HSP90AA1: variants seen among roughly 807,000 people sequenced by gnomAD.
HSP90AA1 encodes the protein heat shock protein HSP 90-alpha.
A neutral mutation model predicts 73.3 loss-of-function variants in HSP90AA1; 18 were observed. The observed-to-expected ratio is 0.25, with a 90% CI of 0.17 to 0.36. The LOEUF (loss-of-function observed/expected upper bound fraction) is 0.36, where lower values mean the gene tolerates loss of function less well. Among genes scored for constraint, HSP90AA1 ranks in the 10% least tolerant of loss-of-function variants. The probability of loss-of-function intolerance (pLI) is 1.00; values close to 1 mark genes in which losing one functional copy is unlikely to be tolerated. For missense variants in HSP90AA1, 704 were observed against 874.2 expected, an observed-to-expected ratio of 0.81 and a Z score of 2.45; for synonymous variants, 477 against 296.9, an observed-to-expected ratio of 1.61 and a Z score of -6.24.
At chr14:102,087,424 C>T (rs1350866088), upstream of HSP90AA1, among the ~76,000 whole-genome samples, 3 of 151,656 alleles carry the variant, frequency 2.0e-5, no homozygotes, top group African/African-American at 7.3e-5. Flanking sequence ...GGCGTGGGGG[C>T]CTTTGAAGTG....
intron 1 of HSP90AA1, among the ~76,000 whole-genome samples, chr14:102,125,970 T>A (rs1013239554): frequency 1.3e-5 from 2 of 152,134 alleles, no homozygotes; most frequent in African/African-American, 4.8e-5. Context: ...AGAAAACATA[T>A]AAATATGTGT....
intron 9 of HSP90AA1, 60 bp from the exon 10 acceptor site, chr14:102,082,504 G>A: frequency 7.3e-7 from 1 of 1,376,908 alleles, no homozygotes; most frequent in Non-Finnish European, 1.0e-6. Context: ...CTTTCATTGT[G>A]AAATGAAATC....
chr14:102,094,716 C>T (rs1031165297), intron 2 of HSP90AA1, among the ~76,000 whole-genome samples: 1 of 152,180 alleles, frequency 6.6e-6, no homozygotes, highest in Non-Finnish European at 1.5e-5. Context: ...CCTCTTGGGG[C>T]AGGGGTTGGC....
intron 1 of HSP90AA1, among the ~76,000 whole-genome samples, chr14:102,114,544 A>C (rs759707136): frequency 1.2e-4 from 18 of 152,126 alleles, no homozygotes; most frequent in Non-Finnish European, 2.5e-4. Flanking sequence ...AGTCTTCTAA[A>C]ATTTCTGCAT....
chr14:102,138,906 C>T (rs1566743620), intron 1 of HSP90AA1, among the ~76,000 whole-genome samples: 1 of 152,174 alleles, frequency 6.6e-6, no homozygotes, highest in South Asian at 2.1e-4. Flanking sequence ...ATACAACTAT[C>T]CCTATGGATC....
At chr14:102,109,104 GCTCC>G (rs2049607032) in intron 1 of HSP90AA1, among the ~76,000 whole-genome samples, 1 of 152,050 alleles carries the variant, frequency 6.6e-6, no homozygotes, top group Non-Finnish European at 1.5e-5. Flanking sequence ...CACCCCAGAG[GCTCC>G]CTATGTTTCT....
intron 1 of HSP90AA1, among the ~76,000 whole-genome samples, chr14:102,134,129 C>A (rs1422194465): frequency 7.0e-6 from 1 of 143,108 alleles, no homozygotes; most frequent in Non-Finnish European, 1.5e-5. Context: ...CCAGCCTGGG[C>A]AACAGAGTGA....
chr14:102,083,403 G>C, intron 8 of HSP90AA1, 101 bp from the exon 9 acceptor site: 1 of 1,432,116 alleles, frequency 7.0e-7, no homozygotes, highest in Admixed American at 1.7e-5. Context: ...CAGAACCTAA[G>C]ACAGAAAATG....
At chr14:102,098,923 C>G (rs1359284121) in intron 2 of HSP90AA1, among the ~76,000 whole-genome samples, 2 of 152,184 alleles carry the variant, frequency 1.3e-5, no homozygotes, top group Admixed American at 1.3e-4. Flanking sequence ...AACTCTTTCA[C>G]TAGAGGACAG....
intron 1 of HSP90AA1, among the ~76,000 whole-genome samples, chr14:102,138,356 T>C (rs1566742126): frequency 1.3e-5 from 2 of 152,152 alleles, no homozygotes; most frequent in African/African-American, 2.4e-5. Flanking sequence ...AATAACACAG[T>C]TATGGAGTTT....
intron 2 of HSP90AA1, among the ~76,000 whole-genome samples, chr14:102,092,836 T>G (rs1352826934): frequency 6.6e-6 from 1 of 152,114 alleles, no homozygotes. Context: ...CTGCAGCCTC[T>G]GCCTCCTCAG....
Position 102,083,042 on chromosome 14 carries a change from C to T in HSP90AA1, c.1747G>A (p.Val583Ile), listed in dbSNP as rs1242730091. 3 of 1,613,750 alleles carry T rather than the reference C, an allele frequency of 1.9e-6. No homozygotes were observed. The highest frequency in any genetic ancestry group is 2.5e-6 in the Non-Finnish European group (3 of 1,179,780). The change falls in exon 9 of 11, where the codon GTT becomes ATT. Residue 583 changes from valine to isoleucine, a missense_variant. Val to Ile is a conservative substitution (Grantham distance 29). Transcript: ENST00000216281. ...ATGCTGTATTCACATACCTTTTCAA[C>T]TTTTTTCTCCAATATGTCTTTCATG... ...KIMKDILEKK[V>I]EKVVVSNRLV...
At chr14:102,113,303 T>A (rs2152622291) in intron 1 of HSP90AA1, among the ~76,000 whole-genome samples, 1 of 151,916 alleles carries the variant, frequency 6.6e-6, no homozygotes, top group Admixed American at 6.6e-5. Context: ...GGATTACAGG[T>A]GTGAGCCACC....
At chr14:102,130,415 G>A (rs1029399497) in intron 1 of HSP90AA1, among the ~76,000 whole-genome samples, 21 of 152,056 alleles carry the variant, frequency 1.4e-4, no homozygotes, top group Admixed American at 7.2e-4. Context: ...AGTACATGGG[G>A]GTTTAAATTT....
At chr14:102,114,275 G>C (rs1042101981) in intron 1 of HSP90AA1, among the ~76,000 whole-genome samples, 4 of 152,174 alleles carry the variant, frequency 2.6e-5, no homozygotes, top group Non-Finnish European at 4.4e-5. Context: ...TGGGATTACA[G>C]GTGTGAGCCA....
At chr14:102,108,090 T>C (rs1032797877) in intron 1 of HSP90AA1, among the ~76,000 whole-genome samples, 1 of 151,514 alleles carries the variant, frequency 6.6e-6, no homozygotes. Flanking sequence ...GGCGAGGCCA[T>C]GTCTCTACAA....
At position 102,129,431 on chromosome 14, in the gene HSP90AA1, T is replaced by G. The variant is rs928271270; in HGVS notation, c.155+9819A>C. Among the ~76,000 whole-genome samples, 4 of 152,134 alleles carry G rather than the reference T, an allele frequency of 2.6e-5. No individual in the cohort carries two copies. The South Asian group carries it at 8.3e-4, about 32-fold the overall frequency. On this transcript the variant is annotated intron_variant, in intron 1 of 11. Coordinates refer to the HSP90AA1 transcript ENST00000334701. ...AAAGAAACCCTGGGCTCATTAGCAG[T>G]CACGACTCCTTCCCTGTCATTTCCC...
At chr14:102,083,389 T>C (rs961434988) in intron 8 of HSP90AA1, 87 bp from the exon 9 acceptor site, 1 of 1,496,842 alleles carries the variant, frequency 6.7e-7, no homozygotes, top group Non-Finnish European at 9.3e-7. Context: ...GCCAGATACC[T>C]AGGCAGAACC....
chr14:102,139,246 G>A (rs771422372), intron 1 of HSP90AA1: 11 of 1,613,956 alleles, frequency 6.8e-6, no homozygotes, highest in African/African-American at 2.7e-5. Context: ...GAGTCCCTTG[G>A]TACCTTCTCA....
Sources: allele counts gnomAD v4.1 joint callset (sites outside exome capture counted in the v4.1 genomes callset), GRCh38; gene constraint gnomAD v4.1.1; transcripts MANE v1.5; gene names NCBI Gene and HGNC (gene_info 2026-07-23, HGNC 2026-07-21).